Variants in NCKAP5 observed in about 807,000 individuals in gnomAD.
NCKAP5 encodes NCK associated protein 5.
NCKAP5 carries 92 observed loss-of-function variants against 167.0 expected under a neutral mutation model. The observed-to-expected ratio is 0.55, with a 90% CI of 0.47 to 0.66. The LOEUF is 0.66. Ranked by LOEUF, NCKAP5 falls within the 30% of genes least tolerant of loss-of-function variation. The probability of loss-of-function intolerance (pLI) is 0.00; values close to 1 mark genes in which losing one functional copy is unlikely to be tolerated. For missense variants in NCKAP5, 2,378 were observed against 2,315.0 expected (o/e 1.03, Z -0.56); for synonymous variants, 891 against 877.4 (o/e 1.02, Z -0.27).
At chr2:133,327,874 T>C (rs1021039132) in intron 3 of NCKAP5, among the ~76,000 whole-genome samples, 1 of 152,188 alleles carries the variant, frequency 6.6e-6, no homozygotes, top group African/African-American at 2.4e-5. Context: ...GACACTGTTG[T>C]CTGTCATACC....
intron 8 of NCKAP5, chr2:132,911,050 C>T (rs554137223): frequency 2.6e-5 from 5 of 194,244 alleles, no homozygotes; most frequent in South Asian, 2.1e-4. Flanking sequence ...ACCACCCATT[C>T]GGTAGAGAGA....
At chr2:132,899,343 C>T (rs1434376219) in intron 8 of NCKAP5, among the ~76,000 whole-genome samples, 1 of 152,228 alleles carries the variant, frequency 6.6e-6, no homozygotes, top group African/African-American at 2.4e-5. Flanking sequence ...AAGGGAATGT[C>T]GTGGCTGGTT....
intron 5 of NCKAP5, among the ~76,000 whole-genome samples, chr2:133,203,090 CAT>C (rs1401525580): frequency 1.3e-5 from 2 of 152,152 alleles, no homozygotes; most frequent in East Asian, 1.9e-4. Flanking sequence ...CACATGCACA[CAT>C]ATGTTTATTG....
intron 19 of NCKAP5, among the ~76,000 whole-genome samples, chr2:132,725,181 G>C (rs561688308): frequency 6.6e-6 from 1 of 152,290 alleles, no homozygotes; most frequent in East Asian, 1.9e-4. Flanking sequence ...AAGATGGTGA[G>C]GGAGCTTCAA....
chr2:133,646,939 T>C, the NCKAP5 span, among the ~76,000 whole-genome samples: 1 of 152,014 alleles, frequency 6.6e-6, no homozygotes, highest in Non-Finnish European at 1.5e-5. Flanking sequence ...TATTTTATGT[T>C]AGTCCCAAGG....
At chr2:132,872,124 G>A (rs977754378) in intron 9 of NCKAP5, among the ~76,000 whole-genome samples, 1 of 152,092 alleles carries the variant, frequency 6.6e-6, no homozygotes, top group African/African-American at 2.4e-5. Flanking sequence ...TAGGCTGCAA[G>A]GGACTTGAAG....
chr2:132,826,542 G>T (rs985923389), intron 11 of NCKAP5, among the ~76,000 whole-genome samples: 5 of 152,158 alleles, frequency 3.3e-5, no homozygotes, highest in African/African-American at 1.2e-4. Flanking sequence ...TGTGACTTGT[G>T]CTTTGCCCTC....
At chr2:132,958,146 C>T (rs79592205) in intron 8 of NCKAP5, among the ~76,000 whole-genome samples, 9,510 of 152,196 alleles carry the variant, frequency 0.062, 784 homozygotes, top group Admixed American at 0.24. Flanking sequence ...TACCATAACC[C>T]ACAGGGTTAC....
intron 1 of NCKAP5, among the ~76,000 whole-genome samples, chr2:133,561,004 G>C (rs991363542): frequency 2.0e-5 from 3 of 152,178 alleles, no homozygotes; most frequent in African/African-American, 7.2e-5. Context: ...GCCCTGGTTT[G>C]GTTGATGGCT....
intron 8 of NCKAP5, among the ~76,000 whole-genome samples, chr2:132,948,513 G>C (rs1019780974): frequency 3.3e-5 from 5 of 152,330 alleles, no homozygotes; most frequent in South Asian, 2.1e-4. Flanking sequence ...CAGGCAGTTA[G>C]AGAAAACAGA....
At chr2:133,538,979 C>T (rs374911181) in intron 2 of NCKAP5, among the ~76,000 whole-genome samples, 155 of 122,660 alleles carry the variant, frequency 1.3e-3, no homozygotes, top group Middle Eastern at 7.8e-3. Context: ...CTCACTCTGT[C>T]GCCCAGGCTG....
At chr2:132,923,976 A>T (rs1695648632) in intron 8 of NCKAP5, among the ~76,000 whole-genome samples, 1 of 152,160 alleles carries the variant, frequency 6.6e-6, no homozygotes, top group Non-Finnish European at 1.5e-5. Flanking sequence ...CTGAGTGAGA[A>T]GTGATTCAGG....
chr2:133,268,703 C>T (rs948568943), intron 4 of NCKAP5, among the ~76,000 whole-genome samples: 2 of 152,122 alleles, frequency 1.3e-5, no homozygotes, highest in African/African-American at 2.4e-5. Flanking sequence ...ATCTCCTGAC[C>T]TCGTGATCCG....
chr2:133,468,670 G>A (rs182930271), intron 3 of NCKAP5, among the ~76,000 whole-genome samples: 30 of 152,200 alleles, frequency 2.0e-4, no homozygotes, highest in Middle Eastern at 3.4e-3. Context: ...TCACTCAGGA[G>A]TTGCTTTATG....
chr2:133,312,881 G>A (rs1377058146), intron 3 of NCKAP5, among the ~76,000 whole-genome samples: 1 of 152,176 alleles, frequency 6.6e-6, no homozygotes, highest in Non-Finnish European at 1.5e-5. Flanking sequence ...TTTATTGATT[G>A]ATGTTGTTTG....
At chr2:133,123,882 T>C in intron 6 of NCKAP5, 1 of 461,574 alleles carries the variant, frequency 2.2e-6, no homozygotes, top group South Asian at 1.6e-5. Flanking sequence ...TAAGGGCATA[T>C]TATCCTCTTC....
At chr2:133,391,848 A>G (rs186636914) in intron 3 of NCKAP5, among the ~76,000 whole-genome samples, 1 of 152,290 alleles carries the variant, frequency 6.6e-6, no homozygotes, top group Admixed American at 6.5e-5. Flanking sequence ...TAAGGTCCTT[A>G]CCTGGCACAC....
chr2:133,276,572 A>AT (rs950461759), intron 4 of NCKAP5, among the ~76,000 whole-genome samples: 2 of 151,818 alleles, frequency 1.3e-5, no homozygotes, highest in Admixed American at 6.6e-5. Context: ...GAAAAAAAAA[A>AT]ATACCACCCC....
chr2:132,896,168 AAAAAC>A (rs1693187584), intron 8 of NCKAP5, among the ~76,000 whole-genome samples: 1 of 152,216 alleles, frequency 6.6e-6, no homozygotes, highest in African/African-American at 2.4e-5. Context: ...ACAAAAAAAC[AAAAAC>A]AAAACACAGT....
Sources: gnomAD v4.1 joint callset for allele counts (sites outside exome capture counted in the v4.1 genomes callset) on GRCh38, gnomAD v4.1.1 for gene constraint, MANE v1.5 for transcripts, NCBI Gene and HGNC (gene_info 2026-07-23, HGNC 2026-07-21) for gene names.